The following CCDC181 variants were observed in gnomAD, a reference collection of about 807,000 sequenced individuals.
CCDC181 encodes coiled-coil domain-containing protein 181.
A neutral mutation model predicts 58.7 loss-of-function variants in CCDC181; 35 were observed. The observed-to-expected ratio is 0.60, with a 90% CI of 0.46 to 0.79. The LOEUF (loss-of-function observed/expected upper bound fraction) is 0.79, where lower values mean the gene tolerates loss of function less well. Among genes scored for constraint, CCDC181 ranks in the 30% least tolerant of loss-of-function variants. The pLI is 0.00. For synonymous variants in CCDC181, 183 were observed against 197.5 expected (o/e 0.93, Z 0.62); for missense variants, 517 against 583.9 (o/e 0.89, Z 1.18).
intron 2 of CCDC181, chr1:169,454,518 T>A (rs1415963646): frequency 6.6e-6 from 1 of 152,076 alleles, no homozygotes; most frequent in Non-Finnish European, 1.5e-5. Flanking sequence ...GAGGCAATTA[T>A]TAAATTGCTT....
chr1:169,410,973 T>G (rs1391025437), intron 4 of CCDC181, among the ~76,000 whole-genome samples: 1 of 151,936 alleles, frequency 6.6e-6, no homozygotes, highest in Non-Finnish European at 1.5e-5. Context: ...ACATCGCAAT[T>G]AAAAGAACTA....
At chr1:169,446,629 A>G (rs1657385386) in intron 2 of CCDC181, among the ~76,000 whole-genome samples, 1 of 152,206 alleles carries the variant, frequency 6.6e-6, no homozygotes, top group Non-Finnish European at 1.5e-5. Context: ...TAAAACCAAT[A>G]AAAATAATAC....
chr1:169,411,405 C>G (rs1655955330), intron 4 of CCDC181, among the ~76,000 whole-genome samples: 1 of 151,982 alleles, frequency 6.6e-6, no homozygotes, highest in African/African-American at 2.4e-5. Flanking sequence ...AATAGCCTAC[C>G]AACCAAAAAA....
intron 5 of CCDC181, 60 bp downstream of exon 5, chr1:169,397,177 A>T: frequency 7.0e-7 from 1 of 1,424,058 alleles, no homozygotes; most frequent in Non-Finnish European, 9.3e-7. Context: ...AATTGATGAT[A>T]TAACTTTTAA....
chr1:169,395,257 CT>C, intron 5 of CCDC181, 51 bp from the exon 6 acceptor site: 2 of 1,469,136 alleles, frequency 1.4e-6, no homozygotes, highest in Non-Finnish European at 1.8e-6. Flanking sequence ...TGAATACACT[CT>C]TCATGCTATA....
intron 2 of CCDC181, among the ~76,000 whole-genome samples, chr1:169,445,676 C>G (rs1657353607): frequency 6.6e-6 from 1 of 152,124 alleles, no homozygotes; most frequent in African/African-American, 2.4e-5. Context: ...CCCTTTGCTT[C>G]TATTTTCTAG....
chr1:169,403,783 T>C (rs1048634066), intron 4 of CCDC181, among the ~76,000 whole-genome samples: 6 of 152,128 alleles, frequency 3.9e-5, no homozygotes, highest in African/African-American at 7.2e-5. Context: ...ATTCAAAAGC[T>C]AGCAGAAGGC....
intron 4 of CCDC181, among the ~76,000 whole-genome samples, chr1:169,403,057 A>G (rs1655444386): frequency 6.6e-6 from 1 of 152,062 alleles, no homozygotes; most frequent in Admixed American, 6.5e-5. Flanking sequence ...AGATCAAAAG[A>G]TACAAAAAAG....
At chr1:169,453,198 G>A (rs1657594018) in intron 2 of CCDC181, among the ~76,000 whole-genome samples, 1 of 151,842 alleles carries the variant, frequency 6.6e-6, no homozygotes, top group South Asian at 2.1e-4. Context: ...GGGTAAAACA[G>A]AATTCAAAAG....
intron 4 of CCDC181, among the ~76,000 whole-genome samples, chr1:169,401,221 G>A (rs943476551): frequency 3.9e-5 from 6 of 152,208 alleles, no homozygotes; most frequent in Admixed American, 6.5e-5. Context: ...TACCTCTGGG[G>A]GCAAGACACA....
Position 169,409,391 on chromosome 1 carries a change from G to A in CCDC181, c.1215+9622C>T, listed in dbSNP as rs184878528. On this transcript the variant is annotated intron_variant, in intron 4 of 5. Coordinates refer to ENST00000367806, the MANE Select transcript of CCDC181 (RefSeq NM_001300969.2). ...GCCTCCAAGAAATATGGAACTATGT[G>A]AAAAGACCAAACCTACGTTTGATTG... Among the ~76,000 whole-genome samples, 948 of 152,296 alleles carry A rather than the reference G, an allele frequency of 6.2e-3. 10 individuals are homozygous for A. The highest frequency in any genetic ancestry group is 0.022 in the African/African-American group (894 of 41,560).
At chr1:169,441,970 A>G (rs1014776180) in intron 2 of CCDC181, among the ~76,000 whole-genome samples, 1 of 152,178 alleles carries the variant, frequency 6.6e-6, no homozygotes, top group South Asian at 2.1e-4. Context: ...ATCATTTACT[A>G]TACTATGTAT....
intron 2 of CCDC181, among the ~76,000 whole-genome samples, chr1:169,438,428 A>C (rs1269929009): frequency 6.6e-6 from 1 of 152,162 alleles, no homozygotes; most frequent in Non-Finnish European, 1.5e-5. Context: ...CATAGCTGTG[A>C]GGGTCAAGCC....
intron 4 of CCDC181, among the ~76,000 whole-genome samples, chr1:169,400,856 C>G (rs1027962221): frequency 6.6e-6 from 1 of 152,148 alleles, no homozygotes; most frequent in African/African-American, 2.4e-5. Context: ...GGGGCATCGC[C>G]TCACCCAGGA....
chr1:169,416,052 A>T (rs1355439975), intron 4 of CCDC181, among the ~76,000 whole-genome samples: 1 of 152,238 alleles, frequency 6.6e-6, no homozygotes, highest in African/African-American at 2.4e-5. Context: ...AGTAGGCTTA[A>T]GTAGATTCCA....
chr1:169,421,253 G>T lies in CCDC181; in HGVS notation c.1068+110C>A. Reference sequence around the variant, plus strand: ...ATCAATCTAACAATAGATAAATAAAGCAATCAAAAAAAGTCTCCAATGGTT... The same window carrying T: ...ATCAATCTAACAATAGATAAATAAATCAATCAAAAAAAGTCTCCAATGGTT... On this transcript the variant is annotated intron_variant, in intron 3 of 5. Transcript: ENST00000367806. The T allele has an allele frequency of 5.3e-6, 4 of 755,190 alleles. No individual in the cohort carries two copies. The South Asian group carries it at 5.8e-5, about 11-fold the overall frequency. 46.8% of individuals were successfully genotyped at this position (755,190 alleles called of 1,614,324 possible).
chr1:169,418,912 CT>C, intron 4 of CCDC181, 100 bp downstream of exon 4: 1 of 919,266 alleles, frequency 1.1e-6, no homozygotes, highest in Non-Finnish European at 1.7e-6. Context: ...AACTTTTCTA[CT>C]TCTTCCATAG....
intron 2 of CCDC181, among the ~76,000 whole-genome samples, chr1:169,452,130 C>G (rs967556111): frequency 6.6e-6 from 1 of 151,482 alleles, no homozygotes; most frequent in Non-Finnish European, 1.5e-5. Context: ...GATTGGAGAA[C>G]TTAGCTTCAG....
chr1:169,409,915 C>A (rs1655871275), intron 4 of CCDC181, among the ~76,000 whole-genome samples: 1 of 152,124 alleles, frequency 6.6e-6, no homozygotes, highest in African/African-American at 2.4e-5. Context: ...AAAACAGATA[C>A]CAACCACTGC....
Sources: gnomAD v4.1 joint callset for allele counts (sites outside exome capture counted in the v4.1 genomes callset) on GRCh38, gnomAD v4.1.1 for gene constraint, MANE v1.5 for transcripts, NCBI Gene and HGNC (gene_info 2026-07-23, HGNC 2026-07-21) for gene names.